The following DST variants were observed in gnomAD, a reference collection of about 807,000 sequenced individuals.
DST encodes bullous pemphigoid antigen.
A neutral mutation model predicts 875.2 loss-of-function variants in DST; 253 were observed. The observed-to-expected ratio is 0.29, with a 90% confidence interval of 0.26 to 0.32. DST has a LOEUF of 0.32. Among genes scored for constraint, DST ranks in the 10% least tolerant of loss-of-function variants. The pLI, the probability that DST is intolerant of heterozygous loss-of-function variation, is 1.00. For synonymous variants in DST, 3,124 were observed against 3,197.1 expected (o/e 0.98, Z 0.77); for missense variants, 8,287 against 9,111.6 (o/e 0.91, Z 3.68).
At chr6:56,931,704 A>G (rs925552042) in intron 2 of DST, among the ~76,000 whole-genome samples, 1 of 152,194 alleles carries the variant, frequency 6.6e-6, no homozygotes, top group Non-Finnish European at 1.5e-5. Flanking sequence ...GTCACAGAAG[A>G]TCATTTCGGA....
At chr6:56,924,107 G>C (rs975667144) in intron 2 of DST, among the ~76,000 whole-genome samples, 1 of 152,046 alleles carries the variant, frequency 6.6e-6, no homozygotes, top group Non-Finnish European at 1.5e-5. Flanking sequence ...CCGGGCGATA[G>C]AGCAAGCCAC....
At chr6:56,592,401 T>C in intron 48 of DST, 43 bp from the exon 49 acceptor site, 1 of 1,420,910 alleles carries the variant, frequency 7.0e-7, no homozygotes, top group Non-Finnish European at 9.7e-7. Flanking sequence ...TAAAACCCAC[T>C]ATTTTCATAT....
chr6:56,469,662 G>A (rs2094783109), intron 97 of DST, among the ~76,000 whole-genome samples: 1 of 152,112 alleles, frequency 6.6e-6, no homozygotes. Flanking sequence ...TAAAGGTAAT[G>A]TGCATGATGT....
At position 56,603,635 on chromosome 6, in the gene DST, G is replaced by A. The variant is rs763535718; in HGVS notation, c.10870C>T (p.Pro3624Ser). The change falls in exon 41 of 104, where the codon CCC becomes TCC. Residue 3624 changes from proline (P) to serine (S), a missense_variant. Coordinates refer to ENST00000680361, the MANE Select transcript of DST (RefSeq NM_001374736.1). ...EYLTLLQDMK[P>S]PLDNQESLDN... is the part of the protein sequence containing the mutation. ...AGAGATTCCTGGTTGTCTAAGGGGG[G>A]TTTCATATCTTGAAGCAATGTCAAA... 5.3e-5 allele frequency: 85 copies of A among 1,611,002 alleles called. 1 individual carries two copies. The highest frequency in any genetic ancestry group is 6.1e-5 in the Non-Finnish European group (72 of 1,178,862).
chr6:56,870,227 G>A (rs1035034038), intron 3 of DST, among the ~76,000 whole-genome samples: 6 of 151,904 alleles, frequency 3.9e-5, no homozygotes, highest in African/African-American at 1.5e-4. Context: ...CAACCAATCA[G>A]GTAGTAAAGA....
chr6:56,488,735 C>T (rs1170958115), intron 86 of DST, among the ~76,000 whole-genome samples: 1 of 151,932 alleles, frequency 6.6e-6, no homozygotes, highest in East Asian at 1.9e-4. Flanking sequence ...ATTGTAAAAC[C>T]CTTTGCAAGA....
At chr6:56,770,598 G>T (rs2099653065) in intron 4 of DST, among the ~76,000 whole-genome samples, 1 of 152,150 alleles carries the variant, frequency 6.6e-6, no homozygotes, top group Admixed American at 6.5e-5. Context: ...TTACCTGAGT[G>T]CTGCAACATA....
intron 2 of DST, among the ~76,000 whole-genome samples, chr6:56,952,741 G>A (rs1013368047): frequency 6.6e-6 from 1 of 151,684 alleles, no homozygotes; most frequent in Admixed American, 6.6e-5. Flanking sequence ...TGGGTAAATC[G>A]AGGCACCGAG....
intron 61 of DST, among the ~76,000 whole-genome samples, chr6:56,550,069 A>G (rs1323152077): frequency 6.6e-6 from 1 of 152,216 alleles, no homozygotes; most frequent in Non-Finnish European, 1.5e-5. Flanking sequence ...TAGTAAGCCC[A>G]TAATAAATTG....
Position 56,492,437 on chromosome 6 carries a change from T to C in DST, c.20551-4A>G, listed in dbSNP as rs751117001. 10 of 1,604,370 alleles carry C rather than the reference T, an allele frequency of 6.2e-6. No homozygotes were observed. In the Admixed American group the frequency reaches 1.0e-4, roughly 17 times the overall value. On this transcript the variant is annotated splice_region_variant and splice_polypyrimidine_tract_variant and intron_variant, in intron 84 of 103. Transcript: ENST00000680361. ...AATTTACTTCATTGGCAAAAACCTT[T>C]CCCAGAAAAAAAGGAAATAAGTAGA...
intron 9 of DST, chr6:56,692,584 G>A: frequency 7.8e-7 from 1 of 1,289,662 alleles, no homozygotes; most frequent in Non-Finnish European, 1.0e-6. Flanking sequence ...TATACCCGAG[G>A]GAATAGAGCT....
At position 56,610,832 on chromosome 6, in the gene DST, G is replaced by T. The variant is rs16888057; in HGVS notation, c.5148-270C>A. Among the ~76,000 whole-genome samples, 157 of 152,206 alleles carry T rather than the reference G, an allele frequency of 1.0e-3. 2 individuals are homozygous for T. In the East Asian group the frequency reaches 0.027, roughly 26 times the overall value. ...CATACAAAATTCCAAAATAACAATTGCTGCTATCTGACAGAGGGTAAGGTC... is the reference window on the plus strand; with the variant it reads ...CATACAAAATTCCAAAATAACAATTTCTGCTATCTGACAGAGGGTAAGGTC... On this transcript the variant is annotated intron_variant, in intron 38 of 103. Coordinates refer to ENST00000680361, the MANE Select transcript of DST (RefSeq NM_001374736.1).
intron 92 of DST, among the ~76,000 whole-genome samples, chr6:56,475,019 T>A (rs569910217): frequency 1.5e-5 from 2 of 135,998 alleles, no homozygotes; most frequent in Admixed American, 7.3e-5. Context: ...ACATAATACA[T>A]CCACATTTAA....
intron 102 of DST, chr6:56,461,815 C>T (rs1209384612): frequency 6.6e-6 from 1 of 152,150 alleles, no homozygotes; most frequent in African/African-American, 2.4e-5. Context: ...AATTGACAGA[C>T]ATCTCTAGAG....
At chr6:56,473,733 G>T (rs538687147) in intron 93 of DST, 140 bp downstream of exon 93, 2 of 764,296 alleles carry the variant, frequency 2.6e-6, no homozygotes, top group Non-Finnish European at 4.1e-6. Context: ...TTGAGCACAC[G>T]TATTCCTTCT....
At chr6:56,880,597 G>C (rs1781631558) in intron 3 of DST, among the ~76,000 whole-genome samples, 1 of 151,094 alleles carries the variant, frequency 6.6e-6, no homozygotes, top group East Asian at 2.0e-4. Flanking sequence ...TGAGGCAGGA[G>C]AATTGCATGA....
intron 22 of DST, 147 bp downstream of exon 22, chr6:56,639,112 T>C (rs2098855221): frequency 7.0e-6 from 5 of 718,252 alleles, no homozygotes; most frequent in Non-Finnish European, 1.2e-5. Context: ...CTGAAGGCAA[T>C]CAGTACAATT....
chr6:56,842,748 A>C (rs898622977), intron 4 of DST, among the ~76,000 whole-genome samples: 2 of 152,182 alleles, frequency 1.3e-5, no homozygotes, highest in African/African-American at 4.8e-5. Flanking sequence ...CCCAGGAAGA[A>C]TTATGATTAC....
intron 95 of DST, among the ~76,000 whole-genome samples, chr6:56,470,880 C>T (rs1187565120): frequency 6.7e-6 from 1 of 149,662 alleles, no homozygotes; most frequent in Non-Finnish European, 1.5e-5. Flanking sequence ...AAGTTCTCAG[C>T]CTCAGTGGAG....
Sources: gnomAD v4.1 joint callset for allele counts (sites outside exome capture counted in the v4.1 genomes callset) on GRCh38, gnomAD v4.1.1 for gene constraint, MANE v1.5 for transcripts, NCBI Gene and HGNC (gene_info 2026-07-23, HGNC 2026-07-21) for gene names.